Variants in ATG7 observed in about 807,000 individuals in gnomAD.
ATG7 encodes the protein ubiquitin-like modifier-activating enzyme ATG7.
In ATG7, 70 loss-of-function variants were observed where a neutral mutation model predicts 82.4. That is an observed-to-expected ratio of 0.85 (90% CI 0.70 to 1.04). The LOEUF (loss-of-function observed/expected upper bound fraction) is 1.04, where lower values mean the gene tolerates loss of function less well. Among genes scored for constraint, ATG7 ranks in the 50% least tolerant of loss-of-function variants. The probability of loss-of-function intolerance (pLI) is 0.00; values close to 1 mark genes in which losing one functional copy is unlikely to be tolerated. For synonymous variants in ATG7, 287 were observed against 313.0 expected (o/e 0.92, Z 0.88); for missense variants, 792 against 864.3 (o/e 0.92, Z 1.05).
intron 20 of ATG7, among the ~76,000 whole-genome samples, chr3:11,479,078 G>A (rs1344849344): frequency 6.6e-6 from 1 of 150,978 alleles, no homozygotes; most frequent in African/African-American, 2.4e-5. Flanking sequence ...CACTTGAAGA[G>A]TTTCTTGGGA....
At chr3:11,403,402 TA>T (rs1478136220) in intron 19 of ATG7, among the ~76,000 whole-genome samples, 1 of 152,074 alleles carries the variant, frequency 6.6e-6, no homozygotes, top group Non-Finnish European at 1.5e-5. Context: ...TAAGAGGGAT[TA>T]TGTCTAAAAT....
At chr3:11,483,056 T>G (rs1272520467) in intron 20 of ATG7, among the ~76,000 whole-genome samples, 4 of 152,038 alleles carry the variant, frequency 2.6e-5, no homozygotes, top group Admixed American at 2.6e-4. Flanking sequence ...AAGTCCCACC[T>G]CTCCTATTTA....
chr3:11,564,111 A>G, the ATG7 span, among the ~76,000 whole-genome samples: 1 of 152,232 alleles, frequency 6.6e-6, no homozygotes, highest in African/African-American at 2.4e-5. Context: ...GGAGATTCGG[A>G]GAGCTCAAGC....
chr3:11,575,636 C>T, the ATG7 span, among the ~76,000 whole-genome samples: 1 of 152,226 alleles, frequency 6.6e-6, no homozygotes, highest in African/African-American at 2.4e-5. Flanking sequence ...TCCCAGACAC[C>T]AGCCTTAGGA....
intron 10 of ATG7, 102 bp downstream of exon 10, chr3:11,331,530 A>AT (rs925380092): frequency 3.9e-6 from 4 of 1,033,028 alleles, no homozygotes; most frequent in African/African-American, 3.2e-5. Context: ...TAAATGCATT[A>AT]TTTTTTCATT....
intron 16 of ATG7, 34 bp downstream of exon 16, chr3:11,360,818 C>T: frequency 6.2e-7 from 1 of 1,607,698 alleles, no homozygotes; most frequent in Non-Finnish European, 8.5e-7. Context: ...CAAATATTTC[C>T]TATCACCAAC....
At chr3:11,392,670 G>A (rs1347255165) in intron 19 of ATG7, among the ~76,000 whole-genome samples, 5 of 152,038 alleles carry the variant, frequency 3.3e-5, no homozygotes, top group Non-Finnish European at 5.9e-5. Flanking sequence ...TGGCAAATAT[G>A]TATATCAGCT....
intron 20 of ATG7, among the ~76,000 whole-genome samples, chr3:11,496,933 C>A (rs939906500): frequency 2.0e-5 from 3 of 151,048 alleles, no homozygotes; most frequent in South Asian, 2.1e-4. Flanking sequence ...GATCTCGGCT[C>A]ACTGCAACCT....
At chr3:11,359,550 G>A (rs141831008) in intron 15 of ATG7, among the ~76,000 whole-genome samples, 23 of 152,042 alleles carry the variant, frequency 1.5e-4, no homozygotes, top group African/African-American at 5.3e-4. Flanking sequence ...CAAAAAATTA[G>A]CTAGGTGTGG....
At chr3:11,406,534 A>G (rs1220735760) in intron 19 of ATG7, among the ~76,000 whole-genome samples, 3 of 152,174 alleles carry the variant, frequency 2.0e-5, no homozygotes, top group Non-Finnish European at 4.4e-5. Flanking sequence ...CCTTGAACTC[A>G]TGGCTTCAAG....
chr3:11,410,599 T>C (rs1576198764), intron 19 of ATG7, among the ~76,000 whole-genome samples: 1 of 152,180 alleles, frequency 6.6e-6, no homozygotes, highest in Admixed American at 6.6e-5. Context: ...CCCATTTTCT[T>C]CTCTCTCCAG....
intron 12 of ATG7, 30 bp from the exon 13 acceptor site, chr3:11,342,105 G>C (rs1264747973): frequency 6.3e-7 from 1 of 1,594,748 alleles, no homozygotes; most frequent in Non-Finnish European, 8.5e-7. Flanking sequence ...ATAAAGGAGT[G>C]ACTGAATAAG....
intron 20 of ATG7, among the ~76,000 whole-genome samples, chr3:11,521,549 GT>G (rs1175822173): frequency 3.7e-4 from 24 of 64,802 alleles, no homozygotes; most frequent in Admixed American, 1.1e-3. Flanking sequence ...CCCAGGAAGG[GT>G]TTTTTTGTTT....
chr3:11,505,113 G>A (rs188089436), intron 20 of ATG7, among the ~76,000 whole-genome samples: 1 of 152,224 alleles, frequency 6.6e-6, no homozygotes, highest in Non-Finnish European at 1.5e-5. Context: ...CTGGGAGCCT[G>A]TTAATTTTCA....
chr3:11,545,517 C>A (rs576195634), intron 20 of ATG7, among the ~76,000 whole-genome samples: 1 of 152,318 alleles, frequency 6.6e-6, no homozygotes, highest in South Asian at 2.1e-4. Context: ...CTCTTTCCTG[C>A]CCCTGCCAGG....
At chr3:11,525,136 A>ACACC (rs2092543819) in intron 20 of ATG7, among the ~76,000 whole-genome samples, 1 of 151,466 alleles carries the variant, frequency 6.6e-6, no homozygotes, top group African/African-American at 2.4e-5. Flanking sequence ...TTCTGGGCTC[A>ACACC]AGTGATTGTC....
rs375791098 is a variant in ATG7, at chr3:11,510,370, C to T, written c.2080-44441C>T. 3.9e-4 allele frequency: 163 copies of T among 422,788 alleles called. 1 individual carries two copies. The highest frequency in any genetic ancestry group is 2.6e-3 in the South Asian group (152 of 59,006). 26.2% of individuals were successfully genotyped at this position (422,788 alleles called of 1,614,324 possible). ...TCTTATTTGTCTTTGTAAGTTTGTC[C>T]CTGCCCCAGTTTAAAAAAAAAAAAA... On this transcript the variant is annotated intron_variant, in intron 20 of 20. Coordinates refer to ENST00000693202, the MANE Select transcript of ATG7 (RefSeq NM_001349232.2).
At chr3:11,502,215 TTTTAA>T (rs1338326614) in intron 20 of ATG7, among the ~76,000 whole-genome samples, 1 of 151,772 alleles carries the variant, frequency 6.6e-6, no homozygotes, top group South Asian at 2.1e-4. Context: ...TTTTTTTTAA[TTTTAA>T]TTTATTTTTT....
At chr3:11,284,510 G>C (rs1352598955) in intron 3 of ATG7, among the ~76,000 whole-genome samples, 1 of 152,152 alleles carries the variant, frequency 6.6e-6, no homozygotes, top group Non-Finnish European at 1.5e-5. Context: ...TCTCTTCGTA[G>C]GACTGGTATG....
Sources: allele counts gnomAD v4.1 joint callset (sites outside exome capture counted in the v4.1 genomes callset), GRCh38; gene constraint gnomAD v4.1.1; transcripts MANE v1.5; gene names NCBI Gene and HGNC (gene_info 2026-07-23, HGNC 2026-07-21).